The following SERINC3 variants were observed in gnomAD, a reference collection of about 807,000 sequenced individuals.
SERINC3 encodes tumor differentially expressed protein 1.
In SERINC3, 22 loss-of-function variants were observed where a neutral mutation model predicts 52.1. That is an observed-to-expected ratio of 0.42 (90% CI 0.30 to 0.60). The LOEUF (loss-of-function observed/expected upper bound fraction) is 0.60, where lower values mean the gene tolerates loss of function less well. SERINC3 is among the 20% of genes least tolerant of loss of function. The pLI is 0.16. For synonymous variants in SERINC3, 226 were observed against 212.7 expected (o/e 1.06, Z -0.54); for missense variants, 564 against 584.6 (o/e 0.96, Z 0.36).
chr20:44,519,047 T>C lies in SERINC3; in HGVS notation c.39+2866A>G, dbSNP rs7354734. ...ATTACTGAGCACTCCTGTGTGTACATGTCTTGCATGCATAAACTCTAAATA... is the reference window on the plus strand; with the variant it reads ...ATTACTGAGCACTCCTGTGTGTACACGTCTTGCATGCATAAACTCTAAATA... On this transcript the variant is annotated intron_variant, in intron 1 of 9. Coordinates refer to ENST00000342374, the MANE Select transcript of SERINC3 (RefSeq NM_006811.4). 2.6e-5 allele frequency among the ~76,000 whole-genome samples: 4 copies of C among 151,784 alleles called. No individual in the cohort carries two copies. The South Asian group carries it at 6.2e-4, about 24-fold the overall frequency.
At chr20:44,521,173 G>C (rs563285960) in intron 1 of SERINC3, among the ~76,000 whole-genome samples, 1 of 152,380 alleles carries the variant, frequency 6.6e-6, no homozygotes, top group East Asian at 1.9e-4. Flanking sequence ...AATTAAATCA[G>C]CTGGAGAATG....
intron 4 of SERINC3, among the ~76,000 whole-genome samples, chr20:44,510,355 G>A (rs189556770): frequency 2.9e-3 from 447 of 152,298 alleles, no homozygotes; most frequent in Non-Finnish European, 4.9e-3. Flanking sequence ...ACAGAGATAG[G>A]GGAGCACAAG....
intron 1 of SERINC3, 31 bp downstream of exon 1, chr20:44,521,880 AGG>A: frequency 6.3e-7 from 1 of 1,595,372 alleles, no homozygotes; most frequent in Non-Finnish European, 8.5e-7. Flanking sequence ...CGCAAACCGC[AGG>A]TCCGGCGAGG....
chr20:44,505,422 A>C (rs2064305447), intron 6 of SERINC3, among the ~76,000 whole-genome samples: 1 of 151,206 alleles, frequency 6.6e-6, no homozygotes, highest in African/African-American at 2.4e-5. Flanking sequence ...TCCTGGGTTC[A>C]AATTTCTCCT....
At position 44,516,691 on chromosome 20, in the gene SERINC3, C is replaced by CTTTGT. The variant is rs929253296; in HGVS notation, c.40-2656_40-2652dup. Among the ~76,000 whole-genome samples, 37 of 152,216 alleles carry CTTTGT rather than the reference C, an allele frequency of 2.4e-4. No homozygotes were observed. In the East Asian group the frequency reaches 6.4e-3, roughly 26 times the overall value. On this transcript the variant is annotated intron_variant, in intron 1 of 9. Coordinates refer to ENST00000342374, the MANE Select transcript of SERINC3 (RefSeq NM_006811.4). ...ACATGCATGAGCCAATGCACCCGGCCTTTGTTTTGTTTTGTTTTAAAAAGA... is the reference window on the plus strand; with the variant it reads ...ACATGCATGAGCCAATGCACCCGGCCTTTGTTTTGTTTTGTTTTGTTTTAAAAAGA...
At position 44,512,931 on chromosome 20, in the gene SERINC3, A is replaced by C. The variant is rs549810154; in HGVS notation, c.265T>G (p.Cys89Gly). The change falls in exon 3 of 10, where the codon TGT becomes GGT. Residue 89 changes from cysteine (C) to glycine (G), a missense_variant. Cys to Gly is a radical substitution (Grantham distance 159). Coordinates refer to ENST00000342374, the MANE Select transcript of SERINC3 (RefSeq NM_006811.4). ...HEADINADKD[C>G]DVLVGYKAVY... ...GCTTTATAACCAACCAGCACATCACAATCTTTATCTGCATTTATATCAGCC... is the reference window on the plus strand; with the variant it reads ...GCTTTATAACCAACCAGCACATCACCATCTTTATCTGCATTTATATCAGCC... 1.2e-5 allele frequency: 19 copies of C among 1,550,818 alleles called. 1 individual carries two copies. The South Asian group carries it at 2.3e-4, about 19-fold the overall frequency.
intron 1 of SERINC3, among the ~76,000 whole-genome samples, chr20:44,515,779 T>C (rs1568790835): frequency 6.6e-6 from 1 of 151,874 alleles, no homozygotes; most frequent in African/African-American, 2.4e-5. Context: ...GCCTCCCAAG[T>C]AGCTGGGACT....
chr20:44,517,778 C>T (rs1180089039), intron 1 of SERINC3, among the ~76,000 whole-genome samples: 1 of 152,180 alleles, frequency 6.6e-6, no homozygotes, highest in Non-Finnish European at 1.5e-5. Context: ...ACTTACTTAC[C>T]TATAGTTGTC....
chr20:44,500,968 T>C, intron 9 of SERINC3, 105 bp downstream of exon 9: 2 of 761,318 alleles, frequency 2.6e-6, no homozygotes, highest in Non-Finnish European at 4.4e-6. Flanking sequence ...CCCAACTTCA[T>C]TATATGGGTA....
In SERINC3 at chr20:44,501,282, A is replaced by G. The variant is rs765449508; in HGVS notation, c.1074T>C (p.Asn358=). 3 of 1,614,000 alleles carry G rather than the reference A, an allele frequency of 1.9e-6. No homozygotes were observed. In the African/African-American group the frequency reaches 4.0e-5, roughly 22 times the overall value. Residue 358 remains asparagine (N), a synonymous_variant, in exon 9 of 10, where the codon AAT becomes AAC. Transcript: ENST00000342374. Reference sequence around the variant, plus strand: ...ACAGGGTCAGCTTGTCTACTTGGCTATTAGTGGAAGTGCGGATGCTGGAAA... The same window carrying G: ...ACAGGGTCAGCTTGTCTACTTGGCTGTTAGTGGAAGTGCGGATGCTGGAAA... ...LLYSSIRTST[N]SQVDKLTLSG... is the part of the protein sequence containing the mutation.
At chr20:44,518,639 G>A (rs1475819430) in intron 1 of SERINC3, among the ~76,000 whole-genome samples, 2 of 152,046 alleles carry the variant, frequency 1.3e-5, no homozygotes, top group African/African-American at 4.8e-5. Context: ...TCTCATAGAA[G>A]CCTTTCTCCC....
Position 44,509,310 on chromosome 20 carries a change from T to C in SERINC3, c.613+581A>G, listed in dbSNP as rs114435691. On this transcript the variant is annotated intron_variant, in intron 5 of 9. Coordinates refer to ENST00000342374, the MANE Select transcript of SERINC3 (RefSeq NM_006811.4). ...AGCTGTCCCATATGTTGAACCCATC[T>C]GAGTTTCCTCTCCATGGAAACAAGG... Among the ~76,000 whole-genome samples the C allele has an allele frequency of 6.1e-3, 935 of 152,342 alleles. 17 individuals carry two copies. The highest frequency in any genetic ancestry group is 0.021 in the African/African-American group (877 of 41,580).
At chr20:44,508,348 G>A (rs1182379451) in intron 5 of SERINC3, among the ~76,000 whole-genome samples, 6 of 151,726 alleles carry the variant, frequency 4.0e-5, no homozygotes, top group East Asian at 1.9e-4. Context: ...TGGTGTAGGC[G>A]TGGTAGTGTG....
At chr20:44,512,769 A>C in intron 3 of SERINC3, 32 bp downstream of exon 3, 1 of 1,512,428 alleles carries the variant, frequency 6.6e-7, no homozygotes. Flanking sequence ...GCCACACCAT[A>C]ATGTAACCAG....
chr20:44,520,019 CT>C (rs984198086), intron 1 of SERINC3, among the ~76,000 whole-genome samples: 9 of 152,226 alleles, frequency 5.9e-5, no homozygotes, highest in Admixed American at 3.9e-4. Flanking sequence ...AGTCTCACCC[CT>C]GACCCTCCAA....
chr20:44,520,937 T>C (rs2064412694), intron 1 of SERINC3, among the ~76,000 whole-genome samples: 1 of 152,196 alleles, frequency 6.6e-6, no homozygotes, highest in Non-Finnish European at 1.5e-5. Context: ...GCACAGAAAG[T>C]GGGCACAGTC....
At chr20:44,505,415 T>C (rs1375307280) in intron 6 of SERINC3, among the ~76,000 whole-genome samples, 1 of 152,046 alleles carries the variant, frequency 6.6e-6, no homozygotes, top group African/African-American at 2.4e-5. Context: ...AACCTCCTCC[T>C]GGGTTCAAAT....
At chr20:44,516,066 G>A (rs1288960461) in intron 1 of SERINC3, among the ~76,000 whole-genome samples, 5 of 152,132 alleles carry the variant, frequency 3.3e-5, no homozygotes, top group Non-Finnish European at 7.3e-5. Flanking sequence ...CACTTTGGGA[G>A]GCCAAGGCAG....
Position 44,506,948 on chromosome 20 carries a change from A to C in SERINC3, c.662T>G (p.Val221Gly). 6.2e-7 allele frequency: 1 copy of C among 1,610,020 alleles called. No individual in the cohort carries two copies. Among genetic ancestry groups the C allele is most frequent in the South Asian group, 1.1e-5 (1 of 89,736 alleles). ...SAFYILSIICVGLLYTYYTKP... is the reference protein window; with the variant it reads ...SAFYILSIICGGLLYTYYTKP... ...GGTGTAATATGTATAGAGCAGCCCGACACAGATGATTGACAGGATATAAAA... is the reference window on the plus strand; with the variant it reads ...GGTGTAATATGTATAGAGCAGCCCGCCACAGATGATTGACAGGATATAAAA... The change falls in exon 6 of 10, where the codon GTC becomes GGC. Residue 221 changes from valine to glycine, a missense_variant. Val to Gly is a moderately radical substitution (Grantham distance 109). Transcript: ENST00000342374.
Sources: allele counts gnomAD v4.1 joint callset (sites outside exome capture counted in the v4.1 genomes callset), GRCh38; gene constraint gnomAD v4.1.1; transcripts MANE v1.5; gene names NCBI Gene and HGNC (gene_info 2026-07-23, HGNC 2026-07-21).